Variants in PSG3 observed in about 807,000 individuals in gnomAD.
PSG3 encodes pregnancy specific beta-1-glycoprotein 3.
Under a neutral mutation model 47.5 loss-of-function variants are expected in PSG3, and 61 were observed. That is an observed-to-expected ratio of 1.28 (90% CI 1.05 to 1.59). The LOEUF (loss-of-function observed/expected upper bound fraction) is 1.59. PSG3 is among the 40% of genes most tolerant of loss of function. The probability of loss-of-function intolerance (pLI) is 0.00; values close to 1 mark genes in which losing one functional copy is unlikely to be tolerated. For missense variants in PSG3, 756 were observed against 524.0 expected (o/e 1.44, Z -4.32); for synonymous variants, 263 against 198.4 (o/e 1.33, Z -2.74).
rs776770877 is a variant in PSG3, at chr19:42,733,029, T to A, written c.464A>T (p.Asn155Ile). The change falls in exon 3 of 7, where the codon AAC becomes ATC. Residue 155 changes from asparagine (N) to isoleucine (I), a missense_variant. Transcript: ENST00000327495. ...CTCCATGTCCTCCCTGGGGTATAAGTTGCTGCTGGAGATGGAGGGCTTGGG... is the reference window on the plus strand; with the variant it reads ...CTCCATGTCCTCCCTGGGGTATAAGATGCTGCTGGAGATGGAGGGCTTGGG... The part of the protein sequence containing the change: ...ETPKPSISSS[N>I]LYPREDMEAV... 4.5e-5 allele frequency: 72 copies of A among 1,613,978 alleles called. No individual in the cohort carries two copies. Among genetic ancestry groups the A allele is most frequent in the Non-Finnish European group, 5.2e-5 (61 of 1,180,018 alleles).
Position 42,738,846 on chromosome 19 carries a change from G to T in PSG3, c.308C>A (p.Ser103Tyr), listed in dbSNP as rs754104324. The T allele has an allele frequency of 6.2e-7, 1 of 1,614,124 alleles. No homozygotes were observed. Among genetic ancestry groups the T allele is most frequent in the South Asian group, 1.1e-5 (1 of 91,082 alleles). ...PAYSGRETVYSNASLLIQNVT... is the reference protein window; with the variant it reads ...PAYSGRETVYYNASLLIQNVT... ...ATTCTGGATCAGCAGGGATGCATTG[G>T]AATATACTGTTTCTCGTCCACTGTA... The change falls in exon 2 of 7, where the codon TCC becomes TAC. Residue 103 changes from serine to tyrosine, a missense_variant. Ser to Tyr is a moderately radical substitution (Grantham distance 144, BLOSUM62 -2). Transcript: ENST00000327495.
chr19:42,737,641 G>C (rs1462375547), intron 2 of PSG3, among the ~76,000 whole-genome samples: 1 of 152,186 alleles, frequency 6.6e-6, no homozygotes, highest in Non-Finnish European at 1.5e-5. Flanking sequence ...GGATGCCTAA[G>C]AAGAGAGGAT....
chr19:42,735,585 C>G (rs922870760), intron 2 of PSG3, among the ~76,000 whole-genome samples: 1 of 152,172 alleles, frequency 6.6e-6, no homozygotes, highest in African/African-American at 2.4e-5. Context: ...CCAGGATGGT[C>G]TCCATCTCCT....
chr19:42,731,664 G>A (rs981469646), intron 3 of PSG3, among the ~76,000 whole-genome samples: 1 of 151,582 alleles, frequency 6.6e-6, no homozygotes, highest in Non-Finnish European at 1.5e-5. Flanking sequence ...TGCAAAAAAT[G>A]TTACTGGGAT....
chr19:42,723,733 G>T (rs1457815726), intron 6 of PSG3, among the ~76,000 whole-genome samples: 1 of 152,156 alleles, frequency 6.6e-6, no homozygotes, highest in Non-Finnish European at 1.5e-5. Context: ...AGAGAGAGAG[G>T]CTGGAGATAA....
chr19:42,739,741 T>G (rs887030372), intron 1 of PSG3, among the ~76,000 whole-genome samples: 4 of 152,226 alleles, frequency 2.6e-5, no homozygotes, highest in South Asian at 2.1e-4. Flanking sequence ...ATATTTTTAT[T>G]TGAAGTGTCA....
rs1445243656 is a variant in PSG3 at position 42,738,713 on chromosome 19, G to A, written c.430+11C>T. On this transcript the variant is annotated intron_variant, in intron 2 of 6. Transcript: ENST00000327495. ...TCCCCCAACACCCAGTGATCACGTGGAGTCACTCACGGTATAAGGTGAAGG... is the reference window on the plus strand; with the variant it reads ...TCCCCCAACACCCAGTGATCACGTGAAGTCACTCACGGTATAAGGTGAAGG... The A allele has an allele frequency of 2.5e-6, 4 of 1,613,248 alleles. No homozygotes were observed. Among genetic ancestry groups the A allele is most frequent in the South Asian group, 1.1e-5 (1 of 90,976 alleles).
intron 3 of PSG3, chr19:42,732,211 T>C (rs529969496): frequency 1.8e-5 from 3 of 162,572 alleles, no homozygotes; most frequent in South Asian, 1.7e-4. Context: ...CCCCTCTATA[T>C]GTTTTAGTGA....
In PSG3 at chr19:42,729,107, G is replaced by T; in HGVS notation, c.1243+16C>A. On this transcript the variant is annotated intron_variant, in intron 5 of 6. Coordinates refer to ENST00000327495, the MANE Select transcript of PSG3 (RefSeq NM_021016.4). ...CACCTAAAACTCTATTGCCAAGCAT[G>T]CTGGGATCCACTTACCAGAGACTTT... 2 of 1,613,934 alleles carry T rather than the reference G, an allele frequency of 1.2e-6. No individual in the cohort carries two copies. Among genetic ancestry groups the T allele is most frequent in the Admixed American group, 3.3e-5 (2 of 60,012 alleles).
Position 42,729,191 on chromosome 19 carries a change from T to A in PSG3, c.1175A>T (p.Tyr392Phe). Residue 392 changes from tyrosine to phenylalanine, a missense_variant, in exon 5 of 7, where the codon TAT becomes TTT. By Grantham distance (22) the Tyr-to-Phe change is conservative. Coordinates refer to ENST00000327495, the MANE Select transcript of PSG3 (RefSeq NM_021016.4). ...PQITTKHSGL[Y>F]ACSVRNSATG... ...GGCTGAGTTACGAACAGAGCAAGCA[T>A]AGAGCCCGCTATGCTTTGTAGTAAT... is the stretch of plus-strand genomic sequence containing the variant. 1 of 1,614,012 alleles carries A rather than the reference T, an allele frequency of 6.2e-7. No individual in the cohort carries two copies. Among genetic ancestry groups the A allele is most frequent in the East Asian group, 2.2e-5 (1 of 44,878 alleles).
At chr19:42,739,138 G>A (rs1220375520) in intron 1 of PSG3, 49 bp from the exon 2 acceptor site, 8 of 1,550,776 alleles carry the variant, frequency 5.2e-6, no homozygotes, top group Middle Eastern at 1.7e-4. Flanking sequence ...ATGCATTGGG[G>A]TGAAAAGATG....
At chr19:42,731,742 C>T (rs1969476286) in intron 3 of PSG3, among the ~76,000 whole-genome samples, 1 of 151,578 alleles carries the variant, frequency 6.6e-6, no homozygotes, top group African/African-American at 2.4e-5. Context: ...ATATTGATTC[C>T]TCCAATCCAT....
intron 5 of PSG3, among the ~76,000 whole-genome samples, chr19:42,728,267 A>G (rs1432820436): frequency 6.6e-6 from 1 of 152,204 alleles, no homozygotes; most frequent in African/African-American, 2.4e-5. Context: ...AGATATATAT[A>G]AAGTGTCCAG....
chr19:42,725,035 T>C (rs539683173), intron 5 of PSG3, among the ~76,000 whole-genome samples: 1 of 151,854 alleles, frequency 6.6e-6, no homozygotes, highest in Non-Finnish European at 1.5e-5. Context: ...AAGCTTAGAG[T>C]GGTGTAAAAC....
intron 6 of PSG3, among the ~76,000 whole-genome samples, chr19:42,722,944 G>A (rs1969321663): frequency 6.6e-6 from 1 of 152,122 alleles, no homozygotes; most frequent in Non-Finnish European, 1.5e-5. Context: ...AATGGGTGGG[G>A]CTTGAGCATC....
At chr19:42,735,611 T>A (rs1969550803) in intron 2 of PSG3, among the ~76,000 whole-genome samples, 1 of 152,184 alleles carries the variant, frequency 6.6e-6, no homozygotes, top group Non-Finnish European at 1.5e-5. Flanking sequence ...TGTGCCTGCC[T>A]CGGCCTCCCA....
At chr19:42,730,161 T>A (rs111620829) in intron 3 of PSG3, 105 bp from the exon 4 acceptor site, 22,902 of 1,546,118 alleles carry the variant, frequency 0.015, 222 homozygotes, top group African/African-American at 0.029. Flanking sequence ...CCCACCCGAG[T>A]CCTTGAAAGC....
At chr19:42,740,053 C>G (rs577449508) in intron 1 of PSG3, among the ~76,000 whole-genome samples, 1 of 151,822 alleles carries the variant, frequency 6.6e-6, no homozygotes, top group African/African-American at 2.4e-5. Flanking sequence ...CCCGGGTTCA[C>G]GTGATTCTCC....
At chr19:42,728,099 T>G (rs1034578029) in intron 5 of PSG3, among the ~76,000 whole-genome samples, 1 of 152,078 alleles carries the variant, frequency 6.6e-6, no homozygotes, top group African/African-American at 2.4e-5. Context: ...AGTAGAATGG[T>G]GGGTGCTAAG....
Sources: allele counts gnomAD v4.1 joint callset (sites outside exome capture counted in the v4.1 genomes callset), GRCh38; gene constraint gnomAD v4.1.1; transcripts MANE v1.5; gene names NCBI Gene and HGNC (gene_info 2026-07-23, HGNC 2026-07-21).